The following SLC5A4 variants were observed in gnomAD, a reference collection of about 807,000 sequenced individuals.
SLC5A4 encodes the protein solute carrier family 5 member 4, also known as probable glucose sensor protein SLC5A4.
A neutral mutation model predicts 70.3 loss-of-function variants in SLC5A4; 55 were observed. The ratio of observed to expected loss-of-function variants is 0.78; its 90% CI spans 0.63 to 0.98. The LOEUF is 0.98. Among genes scored for constraint, SLC5A4 ranks in the 50% least tolerant of loss-of-function variants. SLC5A4 has a pLI of 0.00. For synonymous variants in SLC5A4, 268 were observed against 305.7 expected (o/e 0.88, Z 1.29); for missense variants, 735 against 839.2 (o/e 0.88, Z 1.53).
At chr22:32,266,884 C>T in the SLC5A4 span, among the ~76,000 whole-genome samples, 2 of 152,228 alleles carry the variant, frequency 1.3e-5, no homozygotes, top group Admixed American at 6.5e-5. Context: ...AATTCAACCT[C>T]TTCTAAATGT....
chr22:32,331,154 G>GGT, the SLC5A4 span, among the ~76,000 whole-genome samples: 8 of 119,542 alleles, frequency 6.7e-5, no homozygotes, highest in East Asian at 2.5e-4. Flanking sequence ...TGGAGGCTCT[G>GGT]GTGTGTGTGT....
At chr22:32,353,197 G>A in the SLC5A4 span, among the ~76,000 whole-genome samples, 1,253 of 152,200 alleles carry the variant, frequency 8.2e-3, 61 homozygotes, top group Admixed American at 0.063. Context: ...CACAGTGCCC[G>A]GGCTTCCTAC....
chr22:32,262,362 A>T, the SLC5A4 span, among the ~76,000 whole-genome samples: 1 of 152,148 alleles, frequency 6.6e-6, no homozygotes, highest in Non-Finnish European at 1.5e-5. Flanking sequence ...CCACAGCCAC[A>T]GCCACAGGTT....
chr22:32,332,344 T>C, the SLC5A4 span, among the ~76,000 whole-genome samples: 4 of 152,230 alleles, frequency 2.6e-5, no homozygotes, highest in Admixed American at 2.6e-4. Context: ...TTCAGATGGA[T>C]GGATGTGCGG....
chr22:32,291,462 G>C, the SLC5A4 span, among the ~76,000 whole-genome samples: 1 of 152,124 alleles, frequency 6.6e-6, no homozygotes, highest in East Asian at 1.9e-4. Flanking sequence ...CAGGCGTGAG[G>C]CACTGCGCCG....
the SLC5A4 span, among the ~76,000 whole-genome samples, chr22:32,323,554 C>T: frequency 6.6e-6 from 1 of 152,294 alleles, no homozygotes; most frequent in South Asian, 2.1e-4. Flanking sequence ...CAGTCTCTGG[C>T]CTTGGAGACC....
chr22:32,266,054 AG>A, the SLC5A4 span, among the ~76,000 whole-genome samples: 1 of 152,248 alleles, frequency 6.6e-6, no homozygotes. Flanking sequence ...ACACTTGATC[AG>A]GGCATTGGGT....
At chr22:32,334,604 G>GCTCCATGTTTCC in the SLC5A4 span, among the ~76,000 whole-genome samples, 1 of 152,192 alleles carries the variant, frequency 6.6e-6, no homozygotes, top group Non-Finnish European at 1.5e-5. Flanking sequence ...TGCTTCGCTG[G>GCTCCATGTTTCC]CTCCATGTTT....
At chr22:32,306,788 T>TAACCA in the SLC5A4 span, among the ~76,000 whole-genome samples, 1 of 152,322 alleles carries the variant, frequency 6.6e-6, no homozygotes, top group South Asian at 2.1e-4. Context: ...TACTGCACAT[T>TAACCA]GTCCAGACAC....
chr22:32,328,938 G>A, the SLC5A4 span, among the ~76,000 whole-genome samples: 1 of 152,208 alleles, frequency 6.6e-6, no homozygotes, highest in African/African-American at 2.4e-5. Context: ...TGCTTACTGA[G>A]GCCAGCAAAT....
At chr22:32,323,143 T>C in the SLC5A4 span, among the ~76,000 whole-genome samples, 2 of 152,136 alleles carry the variant, frequency 1.3e-5, no homozygotes, top group South Asian at 2.1e-4. Flanking sequence ...CACCAGGAGA[T>C]TGGCTCGAGA....
the SLC5A4 span, among the ~76,000 whole-genome samples, chr22:32,324,185 G>A: frequency 6.7e-6 from 1 of 148,384 alleles, no homozygotes; most frequent in East Asian, 2.0e-4. Context: ...TGAAAATGTG[G>A]TGTTTGCTTC....
intron 13 of SLC5A4, 46 bp from the exon 14 acceptor site, chr22:32,221,068 T>C: frequency 8.2e-7 from 1 of 1,224,802 alleles, no homozygotes; most frequent in East Asian, 2.3e-5. Flanking sequence ...GGCAAATGTT[T>C]GCAATAGTAT....
At chr22:32,261,639 C>T in the SLC5A4 span, among the ~76,000 whole-genome samples, 1 of 152,220 alleles carries the variant, frequency 6.6e-6, no homozygotes, top group Admixed American at 6.5e-5. Flanking sequence ...GGAGCTGGGC[C>T]ACTAGTCCAA....
the SLC5A4 span, among the ~76,000 whole-genome samples, chr22:32,305,502 G>A: frequency 6.7e-6 from 1 of 148,862 alleles, no homozygotes; most frequent in Non-Finnish European, 1.5e-5. Context: ...CATTGCCTGG[G>A]GGTGCCAGCA....
the SLC5A4 span, among the ~76,000 whole-genome samples, chr22:32,290,875 G>A: frequency 0.48 from 73,478 of 151,896 alleles, 17,903 homozygotes; most frequent in Admixed American, 0.52. Flanking sequence ...GGACTTAATC[G>A]CTTCCTAAGG....
chr22:32,292,505 A>G, the SLC5A4 span, among the ~76,000 whole-genome samples: 72,605 of 150,246 alleles, frequency 0.48, 17,687 homozygotes, highest in Admixed American at 0.52. Flanking sequence ...GTGCTATCTT[A>G]GAGGCAGAGA....
chr22:32,353,057 T>G, the SLC5A4 span, among the ~76,000 whole-genome samples: 21 of 152,182 alleles, frequency 1.4e-4, no homozygotes, highest in African/African-American at 5.1e-4. Flanking sequence ...AGCCTCACCT[T>G]GGCATGCTGG....
the SLC5A4 span, among the ~76,000 whole-genome samples, chr22:32,346,087 T>C: frequency 6.5e-3 from 987 of 152,312 alleles, 36 homozygotes; most frequent in Admixed American, 0.052. Flanking sequence ...ATATACTGTT[T>C]AAGCTCCATC....
Sources: allele counts gnomAD v4.1 joint callset (sites outside exome capture counted in the v4.1 genomes callset), GRCh38; gene constraint gnomAD v4.1.1; transcripts MANE v1.5; gene names NCBI Gene and HGNC (gene_info 2026-07-23, HGNC 2026-07-21).